TRPS1: variants seen among roughly 807,000 people sequenced by gnomAD.
TRPS1 encodes zinc finger transcription factor Trps1.
In TRPS1, 6 loss-of-function variants were observed where a neutral mutation model predicts 101.2. The ratio of observed to expected loss-of-function variants is 0.06; its 90% CI spans 0.03 to 0.12. TRPS1 has a LOEUF of 0.12. TRPS1 is among the 10% of genes least tolerant of loss of function. TRPS1 has a pLI of 1.00. For missense variants in TRPS1, 1,363 were observed against 1,567.0 expected (o/e 0.87, Z 2.20); for synonymous variants, 578 against 589.8 (o/e 0.98, Z 0.29).
chr8:115,567,021 C>A (rs1468944435), intron 5 of TRPS1, among the ~76,000 whole-genome samples: 2 of 152,106 alleles, frequency 1.3e-5, no homozygotes, highest in Non-Finnish European at 2.9e-5. Flanking sequence ...ACCCACGCAT[C>A]TTTCTCATTT....
chr8:115,421,849 G>A (rs1451072761), intron 5 of TRPS1, among the ~76,000 whole-genome samples: 1 of 152,176 alleles, frequency 6.6e-6, no homozygotes, highest in African/African-American at 2.4e-5. Context: ...GACACAGTAA[G>A]GGATTTCCTT....
chr8:115,422,848 A>G (rs1009350167), intron 5 of TRPS1, among the ~76,000 whole-genome samples: 1 of 152,186 alleles, frequency 6.6e-6, no homozygotes, highest in South Asian at 2.1e-4. Flanking sequence ...TTGTACCTCC[A>G]TCACCTCGTG....
intron 5 of TRPS1, among the ~76,000 whole-genome samples, chr8:115,553,538 T>A (rs1270593845): frequency 2.0e-5 from 3 of 152,176 alleles, no homozygotes; most frequent in South Asian, 4.1e-4. Flanking sequence ...GCTTATCGTT[T>A]ATGATAATAT....
chr8:115,442,550 C>CGTGTGTGTGTGTGTGT (rs10570037), intron 5 of TRPS1, among the ~76,000 whole-genome samples: 19 of 145,100 alleles, frequency 1.3e-4, no homozygotes, highest in African/African-American at 4.3e-4. Flanking sequence ...AAGTATGGTG[C>CGTGTGTGTGTGTGTGT]GTGTGTGTGT....
chr8:115,565,763 C>T (rs1817053561), intron 5 of TRPS1, among the ~76,000 whole-genome samples: 1 of 152,068 alleles, frequency 6.6e-6, no homozygotes, highest in Non-Finnish European at 1.5e-5. Context: ...CATAGCTTTA[C>T]TAGCTGTGCT....
intron 5 of TRPS1, among the ~76,000 whole-genome samples, chr8:115,441,533 T>C (rs1340677731): frequency 6.6e-6 from 1 of 152,146 alleles, no homozygotes; most frequent in East Asian, 1.9e-4. Flanking sequence ...AAATTAAATC[T>C]TTTTGTAGAT....
chr8:115,645,406 T>A (rs1333732664), intron 1 of TRPS1, among the ~76,000 whole-genome samples: 6 of 152,180 alleles, frequency 3.9e-5, no homozygotes, highest in Admixed American at 2.0e-4. Context: ...AACGAAGTGC[T>A]TATGATCATG....
At chr8:115,583,537 T>A (rs1217410734) in intron 5 of TRPS1, among the ~76,000 whole-genome samples, 1 of 152,112 alleles carries the variant, frequency 6.6e-6, no homozygotes, top group Non-Finnish European at 1.5e-5. Flanking sequence ...CTAGAAATGT[T>A]AAGATAATAA....
intron 5 of TRPS1, among the ~76,000 whole-genome samples, chr8:115,498,300 C>T (rs911767625): frequency 9.3e-5 from 14 of 149,778 alleles, no homozygotes; most frequent in Non-Finnish European, 1.9e-4. Context: ...ATCGCCTGAG[C>T]CTCTAAAGTC....
In TRPS1 at chr8:115,416,844, G is replaced by A. The variant is rs539806717; in HGVS notation, c.2823+1486C>T. ...GCATTTCTTTTGCTCAGAATATCCAGGTTTACAAAGAGTTCATATTAGCAT... is the reference window on the plus strand; with the variant it reads ...GCATTTCTTTTGCTCAGAATATCCAAGTTTACAAAGAGTTCATATTAGCAT... On this transcript the variant is annotated intron_variant, in intron 6 of 6. Transcript: ENST00000395715. Among the ~76,000 whole-genome samples the A allele has an allele frequency of 1.1e-3, 165 of 151,970 alleles. 1 individual carries two copies. The highest frequency in any genetic ancestry group is 3.7e-3 in the African/African-American group (152 of 41,486).
chr8:115,603,622 G>A lies in TRPS1; in HGVS notation c.2096+251C>T, dbSNP rs181625561. Among the ~76,000 whole-genome samples the A allele has an allele frequency of 6.6e-5, 10 of 152,224 alleles. No homozygotes were observed. In the East Asian group the frequency reaches 1.9e-3, roughly 29 times the overall value. ...CACTGTGAATTTAAAAAGACAATCA[G>A]TAAATGGTATAACACAAGTATGAAA... On this transcript the variant is annotated intron_variant, in intron 4 of 6. Transcript: ENST00000395715.
chr8:115,645,903 T>A (rs549392423), intron 1 of TRPS1, among the ~76,000 whole-genome samples: 4 of 152,282 alleles, frequency 2.6e-5, no homozygotes, highest in Admixed American at 2.6e-4. Flanking sequence ...AGGCATGTAT[T>A]CTACCAAAGG....
At chr8:115,560,603 A>G (rs879903270) in intron 5 of TRPS1, among the ~76,000 whole-genome samples, 3 of 152,246 alleles carry the variant, frequency 2.0e-5, no homozygotes, top group East Asian at 1.9e-4. Context: ...AAATTTGTAC[A>G]TTGGTGTAAA....
At chr8:115,538,624 C>G (rs895431763) in intron 5 of TRPS1, among the ~76,000 whole-genome samples, 6 of 151,180 alleles carry the variant, frequency 4.0e-5, no homozygotes, top group Non-Finnish European at 8.8e-5. Context: ...CCAAATGTAT[C>G]TTCTGAGATG....
Position 115,409,966 on chromosome 8 carries a change from G to A in TRPS1, c.*4057C>T, listed in dbSNP as rs1386192197. On this transcript the variant is annotated 3_prime_UTR_variant, in exon 7 of 7. Transcript: ENST00000395715. ...TCTCAAACCAAAGACAGTAGCTAAA[G>A]TTGACCTCCTCTCAACTTAAGGCAA... is the stretch of plus-strand genomic sequence containing the variant. The A allele has an allele frequency of 1.4e-5, 2 of 145,776 alleles. No homozygotes were observed. The highest frequency in any genetic ancestry group is 3.0e-5 in the Non-Finnish European group (2 of 67,092). The allele number at this position is 145,776 out of a possible 1,614,324, so 9.0% of individuals were successfully genotyped here.
chr8:115,597,437 T>C (rs374907042), intron 4 of TRPS1, among the ~76,000 whole-genome samples: 2 of 152,160 alleles, frequency 1.3e-5, no homozygotes, highest in East Asian at 3.9e-4. Flanking sequence ...AAGGAGATGT[T>C]CTATGAGATA....
intron 3 of TRPS1, among the ~76,000 whole-genome samples, chr8:115,608,522 G>A (rs1417563812): frequency 6.6e-6 from 1 of 152,118 alleles, no homozygotes; most frequent in Non-Finnish European, 1.5e-5. Context: ...TGCTTCTAGA[G>A]GAAGTTCTCT....
At chr8:115,658,312 C>T (rs557737097) in intron 1 of TRPS1, among the ~76,000 whole-genome samples, 30 of 152,108 alleles carry the variant, frequency 2.0e-4, no homozygotes, top group Non-Finnish European at 3.4e-4. Flanking sequence ...CACGCAAAGC[C>T]GGAACTGATG....
At chr8:115,584,725 T>C (rs1817526630) in intron 5 of TRPS1, among the ~76,000 whole-genome samples, 1 of 151,776 alleles carries the variant, frequency 6.6e-6, no homozygotes, top group Admixed American at 6.6e-5. Context: ...CAAAGTAGAA[T>C]TGGTGTCAAA....
Sources: gnomAD v4.1 joint callset for allele counts (sites outside exome capture counted in the v4.1 genomes callset) on GRCh38, gnomAD v4.1.1 for gene constraint, MANE v1.5 for transcripts, NCBI Gene and HGNC (gene_info 2026-07-23, HGNC 2026-07-21) for gene names.